OSBPL6: variants seen among roughly 807,000 people sequenced by gnomAD.
The protein encoded by OSBPL6 is oxysterol binding protein like 6, also known as oxysterol-binding protein-related protein 6.
A neutral mutation model predicts 125.8 loss-of-function variants in OSBPL6; 49 were observed. That is an observed-to-expected ratio of 0.39 (90% CI 0.31 to 0.49). The LOEUF (loss-of-function observed/expected upper bound fraction) is 0.49. Ranked by LOEUF, OSBPL6 falls within the 20% of genes least tolerant of loss-of-function variation. The probability of loss-of-function intolerance (pLI) is 0.88; values close to 1 mark genes in which losing one functional copy is unlikely to be tolerated. For missense variants in OSBPL6, 986 were observed against 1,135.4 expected (o/e 0.87, Z 1.89); for synonymous variants, 394 against 391.8 (o/e 1.01, Z -0.07).
intron 1 of OSBPL6, among the ~76,000 whole-genome samples, chr2:178,195,998 C>T (rs1161835002): frequency 6.6e-6 from 1 of 151,204 alleles, no homozygotes; most frequent in Non-Finnish European, 1.5e-5. Context: ...TTTCATCCTT[C>T]CCCCCGCCCC....
At chr2:178,196,253 G>C (rs1326065952) in intron 1 of OSBPL6, among the ~76,000 whole-genome samples, 1 of 151,952 alleles carries the variant, frequency 6.6e-6, no homozygotes, top group Non-Finnish European at 1.5e-5. Context: ...GGCCCTGATT[G>C]GTGGATTTTA....
rs1992753 is a variant in OSBPL6 at position 178,280,728 on chromosome 2, C to T, written c.-350-4199C>T. On this transcript the variant is annotated intron_variant, in intron 1 of 24. Transcript: ENST00000190611. ...CTCTAACACACAGTGTCAGAGTTAA[C>T]AATTGTGTGCAGGCCTGCATAAATG... Among the ~76,000 whole-genome samples the T allele has an allele frequency of 2.0e-5, 3 of 152,056 alleles. No individual in the cohort carries two copies. In the South Asian group the frequency reaches 6.2e-4, roughly 32 times the overall value.
intron 5 of OSBPL6, among the ~76,000 whole-genome samples, chr2:178,329,879 G>A (rs6754197): frequency 0.023 from 3,434 of 152,272 alleles, 112 homozygotes; most frequent in African/African-American, 0.077. Flanking sequence ...AGTGCAGGGA[G>A]GTTATGTATG....
intron 2 of OSBPL6, among the ~76,000 whole-genome samples, chr2:178,304,257 A>G (rs1053565375): frequency 3.9e-5 from 6 of 152,162 alleles, no homozygotes; most frequent in Non-Finnish European, 8.8e-5. Context: ...ATAAAGACAT[A>G]CCCAAGAGCA....
intron 11 of OSBPL6, among the ~76,000 whole-genome samples, chr2:178,348,141 A>G (rs1206130161): frequency 6.6e-6 from 1 of 152,210 alleles, no homozygotes; most frequent in African/African-American, 2.4e-5. Context: ...TTTAAAGCAA[A>G]AACCAAAAAA....
Position 178,307,156 on chromosome 2 carries a change from CCT to C in OSBPL6, c.102+871_102+872del, listed in dbSNP as rs1469231776. ...CCTTCACCCCCTCCACCCCTCACCCCCTGTTTTATGTTTTCAGAGCATATTAC... is the reference window on the plus strand; with the variant it reads ...CCTTCACCCCCTCCACCCCTCACCCCGTTTTATGTTTTCAGAGCATATTAC... On this transcript the variant is annotated intron_variant, in intron 3 of 24. Coordinates refer to ENST00000190611, the MANE Select transcript of OSBPL6 (RefSeq NM_032523.4). Among the ~76,000 whole-genome samples, 11 of 152,100 alleles carry C rather than the reference CCT, an allele frequency of 7.2e-5. No individual in the cohort carries two copies. The East Asian group carries it at 7.7e-4, about 11-fold the overall frequency.
At chr2:178,240,217 G>T (rs2091234472) in intron 1 of OSBPL6, among the ~76,000 whole-genome samples, 1 of 152,132 alleles carries the variant, frequency 6.6e-6, no homozygotes, top group African/African-American at 2.4e-5. Flanking sequence ...TGATGGTGAT[G>T]GTTGTACAAC....
At chr2:178,299,755 A>C (rs1686114254) in intron 2 of OSBPL6, among the ~76,000 whole-genome samples, 1 of 152,240 alleles carries the variant, frequency 6.6e-6, no homozygotes, top group South Asian at 2.1e-4. Flanking sequence ...TTCAGATACA[A>C]AATTCAGATG....
At chr2:178,228,561 A>G (rs2090676551) in intron 1 of OSBPL6, among the ~76,000 whole-genome samples, 1 of 152,222 alleles carries the variant, frequency 6.6e-6, no homozygotes, top group African/African-American at 2.4e-5. Flanking sequence ...AAATTAAGCC[A>G]CATATATCAT....
chr2:178,226,692 T>C (rs1207366241), intron 1 of OSBPL6, among the ~76,000 whole-genome samples: 1 of 152,172 alleles, frequency 6.6e-6, no homozygotes, highest in African/African-American at 2.4e-5. Context: ...TCCTGCTTCA[T>C]ACTATATACA....
chr2:178,272,182 A>G (rs1485557088), intron 1 of OSBPL6, among the ~76,000 whole-genome samples: 2 of 152,184 alleles, frequency 1.3e-5, no homozygotes, highest in Non-Finnish European at 2.9e-5. Flanking sequence ...GTCAGCCTCC[A>G]CTTGGCGATC....
intron 1 of OSBPL6, among the ~76,000 whole-genome samples, chr2:178,200,004 G>T (rs1004872670): frequency 1.6e-4 from 24 of 152,024 alleles, no homozygotes; most frequent in Admixed American, 1.6e-3. Flanking sequence ...AAAGTTCTTC[G>T]AGAATAATGC....
chr2:178,337,691 C>A (rs185358327), intron 9 of OSBPL6, among the ~76,000 whole-genome samples: 1 of 152,296 alleles, frequency 6.6e-6, no homozygotes, highest in East Asian at 1.9e-4. Flanking sequence ...ACTGAAAAAT[C>A]TAAATTGATG....
chr2:178,319,366 T>C (rs1285209361), intron 3 of OSBPL6, among the ~76,000 whole-genome samples: 1 of 152,262 alleles, frequency 6.6e-6, no homozygotes, highest in Admixed American at 6.5e-5. Flanking sequence ...TCTACTTCTC[T>C]ATATCCACAG....
At chr2:178,345,102 A>G (rs1690579206) in intron 11 of OSBPL6, among the ~76,000 whole-genome samples, 1 of 152,226 alleles carries the variant, frequency 6.6e-6, no homozygotes, top group South Asian at 2.1e-4. Flanking sequence ...GACTATCAAA[A>G]CACAAGAACT....
chr2:178,373,585 G>A (rs546752153), intron 14 of OSBPL6, among the ~76,000 whole-genome samples: 293 of 152,330 alleles, frequency 1.9e-3, no homozygotes, highest in Non-Finnish European at 3.6e-3. Flanking sequence ...CTAAGAATAA[G>A]AGAATGAAGT....
At chr2:178,223,126 C>T (rs2090412924) in intron 1 of OSBPL6, among the ~76,000 whole-genome samples, 1 of 152,170 alleles carries the variant, frequency 6.6e-6, no homozygotes, top group Non-Finnish European at 1.5e-5. Context: ...CTTAAAATAG[C>T]TTCTTAAAGA....
intron 2 of OSBPL6, 105 bp from the exon 3 acceptor site, chr2:178,305,925 C>T (rs745724796): frequency 4.3e-6 from 1 of 234,526 alleles, no homozygotes; most frequent in Non-Finnish European, 8.1e-6. Context: ...CCTAATGTGT[C>T]AGAGTTCCTC....
At chr2:178,337,949 C>CTTTTTTTTTTTTTTTTTTTTTTTTTTT (rs755944128) in intron 9 of OSBPL6, among the ~76,000 whole-genome samples, 1 of 139,148 alleles carries the variant, frequency 7.2e-6, no homozygotes. Context: ...TCAGTATTCT[C>CTTTTTTTTTTTTTTTTTTTTTTTTTTT]TTTTTTTTTT....
Sources: allele counts gnomAD v4.1 joint callset (sites outside exome capture counted in the v4.1 genomes callset), GRCh38; gene constraint gnomAD v4.1.1; transcripts MANE v1.5; gene names NCBI Gene and HGNC (gene_info 2026-07-23, HGNC 2026-07-21).